The following DLG2 variants were observed in gnomAD, a reference collection of about 807,000 sequenced individuals.
DLG2 encodes disks large homolog 2.
In DLG2, 45 loss-of-function variants were observed where a neutral mutation model predicts 132.5. The ratio of observed to expected loss-of-function variants is 0.34; its 90% CI spans 0.27 to 0.44. The LOEUF is 0.44. Among genes scored for constraint, DLG2 ranks in the 20% least tolerant of loss-of-function variants. The pLI, the probability that DLG2 is intolerant of heterozygous loss-of-function variation, is 1.00. For synonymous variants in DLG2, 424 were observed against 419.6 expected, an observed-to-expected ratio of 1.01 and a Z score of -0.13; for missense variants, 1,045 against 1,196.9, an observed-to-expected ratio of 0.87 and a Z score of 1.87.
intron 5 of DLG2, among the ~76,000 whole-genome samples, chr11:85,137,951 C>T (rs1040895068): frequency 6.6e-6 from 1 of 151,892 alleles, no homozygotes; most frequent in African/African-American, 2.4e-5. Flanking sequence ...TTAAAAAAAT[C>T]AGGACAGTAA....
intron 21 of DLG2, among the ~76,000 whole-genome samples, chr11:83,529,747 G>A (rs1178572179): frequency 6.6e-6 from 1 of 152,080 alleles, no homozygotes; most frequent in Non-Finnish European, 1.5e-5. Context: ...CAGTGACTTA[G>A]TAGTGAGCTG....
chr11:85,012,743 C>T (rs1000502109), intron 6 of DLG2, among the ~76,000 whole-genome samples: 7 of 152,048 alleles, frequency 4.6e-5, no homozygotes, highest in Admixed American at 1.3e-4. Context: ...ATATAGGACT[C>T]CATTTACTAA....
chr11:84,328,889 T>C (rs1246466983), intron 7 of DLG2, among the ~76,000 whole-genome samples: 1 of 152,246 alleles, frequency 6.6e-6, no homozygotes, highest in African/African-American at 2.4e-5. Context: ...TATATCATTT[T>C]GCTTTTGTAT....
intron 8 of DLG2, among the ~76,000 whole-genome samples, chr11:84,212,936 G>A (rs2096775934): frequency 6.6e-6 from 1 of 152,130 alleles, no homozygotes; most frequent in African/African-American, 2.4e-5. Context: ...GGGATTACAG[G>A]CGTGAGCCGC....
intron 18 of DLG2, among the ~76,000 whole-genome samples, chr11:83,671,626 G>C (rs933600922): frequency 6.6e-6 from 1 of 152,168 alleles, no homozygotes; most frequent in African/African-American, 2.4e-5. Flanking sequence ...ACATCTTTCA[G>C]AAGGACAATT....
intron 6 of DLG2, among the ~76,000 whole-genome samples, chr11:84,570,636 T>C (rs1262681371): frequency 6.6e-6 from 1 of 152,172 alleles, no homozygotes; most frequent in Admixed American, 6.6e-5. Context: ...ATGAAAGACC[T>C]AAAATCCACC....
At chr11:84,872,123 A>G (rs537648158) in intron 6 of DLG2, among the ~76,000 whole-genome samples, 121 of 152,294 alleles carry the variant, frequency 7.9e-4, no homozygotes, top group African/African-American at 2.7e-3. Context: ...ATCTGTACTG[A>G]TCAGGTATTG....
chr11:84,279,002 A>G (rs2097821262), intron 7 of DLG2, among the ~76,000 whole-genome samples: 1 of 152,172 alleles, frequency 6.6e-6, no homozygotes, highest in Non-Finnish European at 1.5e-5. Context: ...TGCACAGCCT[A>G]TGAAACTAGC....
intron 3 of DLG2, among the ~76,000 whole-genome samples, chr11:85,459,352 G>A (rs751369735): frequency 3.9e-5 from 6 of 152,118 alleles, no homozygotes; most frequent in Admixed American, 6.5e-5. Flanking sequence ...AGGGATGAGC[G>A]ACCAGGCTTC....
At chr11:84,096,871 T>C (rs1483365853) in intron 10 of DLG2, among the ~76,000 whole-genome samples, 1 of 145,254 alleles carries the variant, frequency 6.9e-6, no homozygotes, top group Non-Finnish European at 1.5e-5. Flanking sequence ...GGAGTATCTT[T>C]TTTGTTGAAA....
intron 7 of DLG2, among the ~76,000 whole-genome samples, chr11:84,372,932 C>T (rs1437314075): frequency 1.3e-5 from 2 of 151,984 alleles, no homozygotes; most frequent in African/African-American, 4.8e-5. Context: ...AGACAATCAC[C>T]TTACCAAATA....
intron 18 of DLG2, chr11:83,643,746 G>A (rs968851069): frequency 3.3e-5 from 5 of 152,064 alleles, no homozygotes; most frequent in Admixed American, 6.6e-5. Flanking sequence ...AGACCACTAA[G>A]GGAATATGGA....
At chr11:84,999,593 A>T (rs2058018651) in intron 6 of DLG2, among the ~76,000 whole-genome samples, 1 of 152,156 alleles carries the variant, frequency 6.6e-6, no homozygotes, top group African/African-American at 2.4e-5. Context: ...TCCGTTAATA[A>T]GGTTCACTGT....
At chr11:84,258,020 C>A (rs550687447) in intron 7 of DLG2, among the ~76,000 whole-genome samples, 1 of 152,202 alleles carries the variant, frequency 6.6e-6, no homozygotes, top group South Asian at 2.1e-4. Flanking sequence ...CAACAAGTTA[C>A]AAGCCAGTTC....
intron 11 of DLG2, among the ~76,000 whole-genome samples, chr11:84,046,512 A>C (rs559413052): frequency 1.8e-4 from 27 of 151,710 alleles, no homozygotes; most frequent in African/African-American, 6.0e-4. Context: ...CTGTTGCTTC[A>C]TGTGACTAAT....
chr11:83,531,538 A>G (rs2095744832), intron 21 of DLG2, among the ~76,000 whole-genome samples: 1 of 152,022 alleles, frequency 6.6e-6, no homozygotes, highest in African/African-American at 2.4e-5. Flanking sequence ...ACCCTCATGC[A>G]TTGTTGTGGA....
At chr11:84,114,747 C>T (rs1227055952) in intron 9 of DLG2, among the ~76,000 whole-genome samples, 2 of 151,502 alleles carry the variant, frequency 1.3e-5, no homozygotes, top group Admixed American at 6.6e-5. Flanking sequence ...TGCAGTGGCA[C>T]GATCTCTGCT....
At chr11:85,601,972 T>C (rs1010443144) in intron 2 of DLG2, among the ~76,000 whole-genome samples, 1 of 152,244 alleles carries the variant, frequency 6.6e-6, no homozygotes, top group African/African-American at 2.4e-5. Context: ...CTTCCGAATG[T>C]ATATCTGTAG....
chr11:84,749,112 A>G (rs1388602182), intron 6 of DLG2, among the ~76,000 whole-genome samples: 1 of 152,174 alleles, frequency 6.6e-6, no homozygotes, highest in Non-Finnish European at 1.5e-5. Context: ...CCTCCCTTAT[A>G]TGTTCACTAG....
Sources: gnomAD v4.1 joint callset for allele counts (sites outside exome capture counted in the v4.1 genomes callset) on GRCh38, gnomAD v4.1.1 for gene constraint, MANE v1.5 for transcripts, NCBI Gene and HGNC (gene_info 2026-07-23, HGNC 2026-07-21) for gene names.